Variants in KIAA1549L observed in about 807,000 individuals in gnomAD.
KIAA1549L encodes the protein KIAA1549 like, also known as UPF0606 protein KIAA1549L.
In KIAA1549L, 88 loss-of-function variants were observed where a neutral mutation model predicts 160.7. The ratio of observed to expected loss-of-function variants is 0.55; its 90% CI spans 0.46 to 0.65. The LOEUF (loss-of-function observed/expected upper bound fraction) is 0.65, where lower values mean the gene tolerates loss of function less well. Among genes scored for constraint, KIAA1549L ranks in the 30% least tolerant of loss-of-function variants. The probability of loss-of-function intolerance (pLI) is 0.00; values close to 1 mark genes in which losing one functional copy is unlikely to be tolerated. For missense variants in KIAA1549L, 2,258 were observed against 2,437.5 expected, an observed-to-expected ratio of 0.93 and a Z score of 1.55; for synonymous variants, 950 against 976.7, an observed-to-expected ratio of 0.97 and a Z score of 0.51.
chr11:33,464,507 TGTGTGC>T (rs1427955492), intron 1 of KIAA1549L, among the ~76,000 whole-genome samples: 9 of 145,322 alleles, frequency 6.2e-5, no homozygotes, highest in South Asian at 4.7e-4. Context: ...TGTGTGTGTG[TGTGTGC>T]GTGCGCGCAT....
chr11:33,607,143 G>T (rs1001789218), intron 14 of KIAA1549L, among the ~76,000 whole-genome samples: 1 of 152,164 alleles, frequency 6.6e-6, no homozygotes, highest in African/African-American at 2.4e-5. Context: ...GCCTTTCTTG[G>T]TGACACTCCT....
chr11:33,614,650 G>A (rs1275990088), intron 15 of KIAA1549L, among the ~76,000 whole-genome samples: 1 of 111,798 alleles, frequency 8.9e-6, no homozygotes, highest in Non-Finnish European at 1.7e-5. Flanking sequence ...GTCTCCCTCT[G>A]TTGCCAGGCT....
At chr11:33,643,067 G>A (rs922299783) in intron 16 of KIAA1549L, among the ~76,000 whole-genome samples, 2 of 152,186 alleles carry the variant, frequency 1.3e-5, no homozygotes, top group Admixed American at 1.3e-4. Context: ...TAGCTATCGA[G>A]AGATGATTGG....
rs371910432 is a variant in KIAA1549L at position 33,499,046 on chromosome 11, GT to G, written c.239-42745del. Among the ~76,000 whole-genome samples, 252 of 148,780 alleles carry G rather than the reference GT, an allele frequency of 1.7e-3. 1 individual carries two copies. Among genetic ancestry groups the G allele is most frequent in the African/African-American group, 5.4e-3 (219 of 40,706 alleles). On this transcript the variant is annotated intron_variant, in intron 1 of 20. Coordinates refer to ENST00000658780, the MANE Select transcript of KIAA1549L (RefSeq NM_012194.3). Reference sequence around the variant, plus strand: ...GAATATGTAGAGCCTTTTGTGCTCAGTTTTTTTTTTTCTGAACCATTGCACT... The same window carrying G: ...GAATATGTAGAGCCTTTTGTGCTCAGTTTTTTTTTTCTGAACCATTGCACT...
intron 17 of KIAA1549L, 40 bp from the exon 18 acceptor site, chr11:33,655,972 G>T (rs1472646208): frequency 7.1e-7 from 1 of 1,406,242 alleles, no homozygotes; most frequent in East Asian, 2.3e-5. Flanking sequence ...TCGACCCTGG[G>T]TGTTAACAAC....
chr11:33,519,179 A>G (rs1368707548), intron 1 of KIAA1549L, among the ~76,000 whole-genome samples: 3 of 152,214 alleles, frequency 2.0e-5, no homozygotes, highest in Non-Finnish European at 4.4e-5. Flanking sequence ...AAAGATGTGT[A>G]TCACTACCCT....
At chr11:33,424,139 G>A (rs1450860966) in intron 1 of KIAA1549L, among the ~76,000 whole-genome samples, 1 of 152,206 alleles carries the variant, frequency 6.6e-6, no homozygotes, top group Admixed American at 6.5e-5. Flanking sequence ...AGAGGTGGAG[G>A]TGGTCCAGAC....
At chr11:33,650,822 C>T (rs926421973) in intron 17 of KIAA1549L, among the ~76,000 whole-genome samples, 1 of 152,188 alleles carries the variant, frequency 6.6e-6, no homozygotes, top group Non-Finnish European at 1.5e-5. Flanking sequence ...TGGTCTACTT[C>T]CATACCACCA....
chr11:33,392,569 G>A (rs965446269), intron 1 of KIAA1549L, among the ~76,000 whole-genome samples: 13 of 152,132 alleles, frequency 8.5e-5, no homozygotes, highest in Non-Finnish European at 1.0e-4. Context: ...TCAAGATATA[G>A]CATGTGACCA....
intron 12 of KIAA1549L, among the ~76,000 whole-genome samples, chr11:33,597,773 T>C (rs2133301744): frequency 6.6e-6 from 1 of 152,262 alleles, no homozygotes; most frequent in East Asian, 1.9e-4. Flanking sequence ...GGCTGCCTTA[T>C]CTTTGGTCAT....
At chr11:33,533,740 C>T (rs867534820) in intron 1 of KIAA1549L, among the ~76,000 whole-genome samples, 1 of 152,184 alleles carries the variant, frequency 6.6e-6, no homozygotes, top group African/African-American at 2.4e-5. Flanking sequence ...ACTACCCATT[C>T]TTGTCTCCTT....
chr11:33,648,976 C>A (rs1035120303), intron 17 of KIAA1549L, among the ~76,000 whole-genome samples: 3 of 152,286 alleles, frequency 2.0e-5, no homozygotes, highest in Admixed American at 2.0e-4. Context: ...TCTAATCCGA[C>A]AACCACCCTT....
intron 1 of KIAA1549L, among the ~76,000 whole-genome samples, chr11:33,466,673 G>A (rs1345748070): frequency 6.6e-6 from 1 of 152,226 alleles, no homozygotes; most frequent in African/African-American, 2.4e-5. Flanking sequence ...GCACACATAT[G>A]CTTATTGCGA....
At position 33,435,769 on chromosome 11, in the gene KIAA1549L, T is replaced by C. The variant is rs1299554109; in HGVS notation, c.238+58880T>C. On this transcript the variant is annotated intron_variant, in intron 1 of 20. Transcript: ENST00000658780. ...AAACAGAACCAATAAGATATATATA[T>C]ATATATATATATATATATATATATA... Among the ~76,000 whole-genome samples, 29 of 7,292 alleles carry C rather than the reference T, an allele frequency of 4.0e-3. 1 individual carries two copies. Among genetic ancestry groups the C allele is most frequent in the African/African-American group, 0.021 (28 of 1,342 alleles). 4.8% of individuals were successfully genotyped at this position (7,292 alleles called of 152,430 possible).
At chr11:33,521,389 T>G (rs1226760789) in intron 1 of KIAA1549L, among the ~76,000 whole-genome samples, 1 of 152,210 alleles carries the variant, frequency 6.6e-6, no homozygotes, top group Non-Finnish European at 1.5e-5. Context: ...TTTTAACTTT[T>G]CTGTGCCTGC....
intron 1 of KIAA1549L, among the ~76,000 whole-genome samples, chr11:33,465,202 T>G (rs112602822): frequency 0.048 from 7,361 of 151,922 alleles, 350 homozygotes; most frequent in South Asian, 0.12. Flanking sequence ...GATTGTAGGC[T>G]CACGCCACCA....
chr11:33,631,875 A>C (rs180914584), intron 16 of KIAA1549L, among the ~76,000 whole-genome samples: 4 of 152,340 alleles, frequency 2.6e-5, no homozygotes. Context: ...TAACTGGCAC[A>C]CAGTAGATGC....
chr11:33,456,889 G>C (rs1325345722), intron 1 of KIAA1549L, among the ~76,000 whole-genome samples: 1 of 152,188 alleles, frequency 6.6e-6, no homozygotes, highest in Non-Finnish European at 1.5e-5. Context: ...TCAGGCCTGG[G>C]AACAGGCAAC....
chr11:33,653,205 C>T (rs982911822), intron 17 of KIAA1549L, among the ~76,000 whole-genome samples: 3 of 152,192 alleles, frequency 2.0e-5, no homozygotes, highest in Admixed American at 6.5e-5. Flanking sequence ...CTGGTTACTG[C>T]ACTCCAAGGC....
Sources: allele counts gnomAD v4.1 joint callset (sites outside exome capture counted in the v4.1 genomes callset), GRCh38; gene constraint gnomAD v4.1.1; transcripts MANE v1.5; gene names NCBI Gene and HGNC (gene_info 2026-07-23, HGNC 2026-07-21).